Variants in PRKG1 observed in about 807,000 individuals in gnomAD.
PRKG1 encodes the protein protein kinase cGMP-dependent 1.
Under a neutral mutation model 88.1 loss-of-function variants are expected in PRKG1, and 35 were observed. That is an observed-to-expected ratio of 0.40 (90% CI 0.30 to 0.53). The LOEUF (loss-of-function observed/expected upper bound fraction) is 0.53, where lower values mean the gene tolerates loss of function less well. Ranked by LOEUF, PRKG1 falls within the 20% of genes least tolerant of loss-of-function variation. PRKG1 has a pLI of 0.59. For missense variants in PRKG1, 540 were observed against 839.8 expected, an observed-to-expected ratio of 0.64 and a Z score of 4.41; for synonymous variants, 303 against 292.5, an observed-to-expected ratio of 1.04 and a Z score of -0.37.
chr10:52,144,508 A>G (rs1320069730), intron 8 of PRKG1, among the ~76,000 whole-genome samples: 4 of 152,186 alleles, frequency 2.6e-5, no homozygotes, highest in Admixed American at 6.5e-5. Flanking sequence ...TTAGAGCTTA[A>G]GAGCCTTAAC....
At chr10:51,875,704 T>C (rs936064433) in intron 4 of PRKG1, among the ~76,000 whole-genome samples, 4 of 152,178 alleles carry the variant, frequency 2.6e-5, no homozygotes, top group African/African-American at 7.2e-5. Flanking sequence ...ATTTAGTTAA[T>C]TCTGAAGTAA....
chr10:51,375,341 G>T (rs1273568887), intron 2 of PRKG1, among the ~76,000 whole-genome samples: 1 of 151,906 alleles, frequency 6.6e-6, no homozygotes, highest in Admixed American at 6.6e-5. Context: ...TGGCATAGAG[G>T]AGGTACTGCA....
At chr10:51,002,065 G>A (rs987325867) in intron 1 of PRKG1, among the ~76,000 whole-genome samples, 3 of 151,994 alleles carry the variant, frequency 2.0e-5, no homozygotes, top group Admixed American at 2.0e-4. Context: ...AGTTTGCATG[G>A]AGAGTTCTTT....
intron 3 of PRKG1, among the ~76,000 whole-genome samples, chr10:51,799,529 G>C (rs865993569): frequency 6.6e-6 from 1 of 151,880 alleles, no homozygotes; most frequent in Non-Finnish European, 1.5e-5. Context: ...TGGCATACTT[G>C]ATTCTGGAGC....
In PRKG1 at chr10:52,152,226, A is replaced by G. The variant is rs1837948531; in HGVS notation, c.1002-9663A>G. 2.0e-5 allele frequency among the ~76,000 whole-genome samples: 3 copies of G among 152,294 alleles called. No homozygotes were observed. The South Asian group carries it at 6.2e-4, about 32-fold the overall frequency. On this transcript the variant is annotated intron_variant, in intron 8 of 17. Transcript: ENST00000373980. ...GAATAAATGAGTAAGTGGTTGAGCGAGTCCATCCAGCTATTTATTAATTCA... is the reference window on the plus strand; with the variant it reads ...GAATAAATGAGTAAGTGGTTGAGCGGGTCCATCCAGCTATTTATTAATTCA...
chr10:51,721,414 A>G (rs1220001967), intron 3 of PRKG1, among the ~76,000 whole-genome samples: 1 of 152,144 alleles, frequency 6.6e-6, no homozygotes, highest in Admixed American at 6.5e-5. Flanking sequence ...GGAACCCAGA[A>G]GTAGATTTTG....
intron 1 of PRKG1, among the ~76,000 whole-genome samples, chr10:51,117,719 T>G (rs369630565): frequency 3.1e-4 from 47 of 152,348 alleles, no homozygotes; most frequent in African/African-American, 1.1e-3. Context: ...GAAACAATTT[T>G]TGATAGCTTT....
chr10:51,744,874 C>A (rs375604325), intron 3 of PRKG1, among the ~76,000 whole-genome samples: 233 of 152,222 alleles, frequency 1.5e-3, no homozygotes, highest in African/African-American at 5.3e-3. Context: ...AAAACAGCTA[C>A]CATCGAAGTG....
intron 7 of PRKG1, among the ~76,000 whole-genome samples, chr10:52,066,624 C>T (rs1846361804): frequency 6.6e-6 from 1 of 152,102 alleles, no homozygotes; most frequent in African/African-American, 2.4e-5. Flanking sequence ...CTACAATAGG[C>T]TAGTAAAACA....
At chr10:51,586,574 C>A (rs1337835941) in intron 3 of PRKG1, among the ~76,000 whole-genome samples, 1 of 152,076 alleles carries the variant, frequency 6.6e-6, no homozygotes, top group Non-Finnish European at 1.5e-5. Context: ...AAATGTTAGC[C>A]TCCTTTAGCT....
chr10:51,358,943 G>C (rs1194589748), intron 2 of PRKG1, among the ~76,000 whole-genome samples: 1 of 149,560 alleles, frequency 6.7e-6, no homozygotes, highest in Non-Finnish European at 1.5e-5. Flanking sequence ...TTGGGGGGGG[G>C]GGTGTGGATT....
At chr10:51,004,516 C>T (rs1842921665) in intron 1 of PRKG1, among the ~76,000 whole-genome samples, 1 of 151,764 alleles carries the variant, frequency 6.6e-6, no homozygotes, top group Non-Finnish European at 1.5e-5. Context: ...TGTGGGCTGG[C>T]AGCATAAACA....
intron 4 of PRKG1, among the ~76,000 whole-genome samples, chr10:51,859,353 C>CTT (rs202084201): frequency 1.4e-5 from 2 of 143,044 alleles, no homozygotes; most frequent in Non-Finnish European, 3.1e-5. Context: ...CTTTTTCTTT[C>CTT]TTTTTTTTTT....
At chr10:51,173,856 A>G (rs1341726308) in intron 2 of PRKG1, among the ~76,000 whole-genome samples, 1 of 151,938 alleles carries the variant, frequency 6.6e-6, no homozygotes, top group Non-Finnish European at 1.5e-5. Context: ...ACTGGATTTC[A>G]TAAAACCTTT....
chr10:51,890,378 T>G (rs549747765), intron 4 of PRKG1, among the ~76,000 whole-genome samples: 1 of 152,200 alleles, frequency 6.6e-6, no homozygotes, highest in African/African-American at 2.4e-5. Flanking sequence ...CCATCAAAAC[T>G]TACAGGTATC....
In PRKG1 at chr10:50,991,795, G is replaced by C. The variant is rs1413916188; in HGVS notation, c.266+151G>C. Among the ~76,000 whole-genome samples, 2 of 151,784 alleles carry C rather than the reference G, an allele frequency of 1.3e-5. No homozygotes were observed. The highest frequency in any genetic ancestry group is 6.6e-5 in the Admixed American group (1 of 15,232). On this transcript the variant is annotated intron_variant, in intron 1 of 17. Transcript: ENST00000401604. This position sits in a 1 kb window ranked among gnomAD's most constrained non-coding sequence, Gnocchi z 4.5. ...GGGGGTGGCCCCGCGGCCCGGGAAT[G>C]GGAAGTGTTTATTTTTATTTCTGCC...
chr10:51,014,488 G>T (rs1387677548), intron 1 of PRKG1, among the ~76,000 whole-genome samples: 2 of 152,114 alleles, frequency 1.3e-5, no homozygotes, highest in Non-Finnish European at 2.9e-5. Flanking sequence ...AATCCAAGAG[G>T]TAAGTAATAG....
At chr10:51,078,463 C>A (rs1485927353) in intron 1 of PRKG1, among the ~76,000 whole-genome samples, 1 of 147,172 alleles carries the variant, frequency 6.8e-6, no homozygotes, top group African/African-American at 2.5e-5. Flanking sequence ...CTCCTGAACT[C>A]AGGTTATCAG....
intron 5 of PRKG1, among the ~76,000 whole-genome samples, chr10:51,945,525 T>C (rs1843009143): frequency 6.6e-6 from 1 of 151,842 alleles, no homozygotes; most frequent in Non-Finnish European, 1.5e-5. Context: ...TTTTGCTCAT[T>C]AGTTGATGCA....
Sources: allele counts gnomAD v4.1 joint callset (sites outside exome capture counted in the v4.1 genomes callset), GRCh38; gene constraint gnomAD v4.1.1; non-coding constraint Gnocchi (gnomAD v3.1); transcripts MANE v1.5; gene names NCBI Gene and HGNC (gene_info 2026-07-23, HGNC 2026-07-21).